BRAF: variants seen among roughly 807,000 people sequenced by gnomAD.
The protein encoded by BRAF is serine/threonine-protein kinase B-raf.
In BRAF, 16 loss-of-function variants were observed where a neutral mutation model predicts 104.6. That is an observed-to-expected ratio of 0.15 (90% CI 0.10 to 0.23). BRAF has a LOEUF of 0.23. BRAF is among the 10% of genes least tolerant of loss of function. The probability of loss-of-function intolerance (pLI) is 1.00; values close to 1 mark genes in which losing one functional copy is unlikely to be tolerated. For synonymous variants in BRAF, 310 were observed against 341.6 expected (o/e 0.91, Z 1.02); for missense variants, 541 against 937.3 (o/e 0.58, Z 5.52).
chr7:140,906,201 C>T (rs1429649069), intron 1 of BRAF, among the ~76,000 whole-genome samples: 1 of 151,930 alleles, frequency 6.6e-6, no homozygotes, highest in Non-Finnish European at 1.5e-5. Flanking sequence ...CCGGCCTTCG[C>T]CTGTCATATA....
At chr7:140,874,010 G>T (rs899257095) in intron 1 of BRAF, among the ~76,000 whole-genome samples, 1 of 152,124 alleles carries the variant, frequency 6.6e-6, no homozygotes, top group African/African-American at 2.4e-5. Flanking sequence ...AACAAATTGA[G>T]CAGAAATATT....
At chr7:140,729,257 C>T (rs866643283) in intron 19 of BRAF, among the ~76,000 whole-genome samples, 2 of 151,852 alleles carry the variant, frequency 1.3e-5, no homozygotes, top group Admixed American at 6.6e-5. Context: ...CACACACACA[C>T]GCACACAACT....
intron 7 of BRAF, among the ~76,000 whole-genome samples, chr7:140,795,191 C>G (rs1802380011): frequency 6.6e-6 from 1 of 152,130 alleles, no homozygotes; most frequent in African/African-American, 2.4e-5. Flanking sequence ...ATGTTACATA[C>G]CTATTTCGGT....
intron 2 of BRAF, among the ~76,000 whole-genome samples, chr7:140,845,976 G>A (rs1808501632): frequency 6.6e-6 from 1 of 152,186 alleles, no homozygotes; most frequent in Admixed American, 6.5e-5. Context: ...ACCGCGCTCA[G>A]CCTAGGCTAT....
chr7:140,909,998 A>G (rs890236249), intron 1 of BRAF, among the ~76,000 whole-genome samples: 3 of 152,144 alleles, frequency 2.0e-5, no homozygotes, highest in African/African-American at 4.8e-5. Context: ...ACTGTCCTGA[A>G]CATTGTGGGA....
chr7:140,809,032 G>T, intron 3 of BRAF, 37 bp from the exon 4 acceptor site: 1 of 1,522,156 alleles, frequency 6.6e-7, no homozygotes, highest in Non-Finnish European at 9.1e-7. Flanking sequence ...GAGGTAAAGG[G>T]AGCAAATTAC....
intron 11 of BRAF, among the ~76,000 whole-genome samples, chr7:140,782,111 C>T (rs1800937169): frequency 6.6e-6 from 1 of 152,036 alleles, no homozygotes; most frequent in Non-Finnish European, 1.5e-5. Flanking sequence ...GCCCTGTGTC[C>T]AAGTGTTCTC....
At chr7:140,881,368 T>C (rs955835077) in intron 1 of BRAF, among the ~76,000 whole-genome samples, 13 of 152,214 alleles carry the variant, frequency 8.5e-5, no homozygotes, top group Non-Finnish European at 1.8e-4. Context: ...TGATATTCTA[T>C]CCAGATCACT....
At chr7:140,869,846 A>T (rs568329461) in intron 1 of BRAF, among the ~76,000 whole-genome samples, 7 of 152,232 alleles carry the variant, frequency 4.6e-5, no homozygotes, top group Non-Finnish European at 1.0e-4. Context: ...GCACTAAAAC[A>T]AAATTCAAGT....
At chr7:140,785,907 T>C (rs1223805816) in intron 9 of BRAF, 2 of 396,308 alleles carry the variant, frequency 5.0e-6, no homozygotes, top group Admixed American at 4.4e-5. Context: ...AATTGAAGCC[T>C]GTTTCATAAA....
At chr7:140,787,515 G>A in intron 9 of BRAF, 33 bp downstream of exon 9, 1 of 1,594,282 alleles carries the variant, frequency 6.3e-7, no homozygotes, top group Non-Finnish European at 8.6e-7. Flanking sequence ...CAGTTTCCTT[G>A]AGTTTTTAAA....
At chr7:140,813,672 T>C (rs1804520031) in intron 3 of BRAF, among the ~76,000 whole-genome samples, 1 of 152,176 alleles carries the variant, frequency 6.6e-6, no homozygotes, top group Non-Finnish European at 1.5e-5. Flanking sequence ...AATGGAACTG[T>C]AGTTGTATAT....
intron 18 of BRAF, among the ~76,000 whole-genome samples, chr7:140,737,285 C>T (rs925662183): frequency 3.3e-5 from 5 of 152,136 alleles, no homozygotes; most frequent in African/African-American, 1.2e-4. Context: ...CTGCCTTCCA[C>T]CAAACCTTTA....
At position 140,723,488 on chromosome 7, in the gene BRAF, C is replaced by T; in HGVS notation, c.*3006G>A. ...CGGGAACCAGAATTTGACAGCTAGACAGAATCTTCTTTTAAGGTGCACATT... is the reference window on the plus strand; with the variant it reads ...CGGGAACCAGAATTTGACAGCTAGATAGAATCTTCTTTTAAGGTGCACATT... On this transcript the variant is annotated 3_prime_UTR_variant, in exon 20 of 20. Coordinates refer to ENST00000644969, the MANE Select transcript of BRAF (RefSeq NM_001374258.1). 1 of 1,053,590 alleles carries T rather than the reference C, an allele frequency of 9.5e-7. No individual in the cohort carries two copies. The highest frequency in any genetic ancestry group is 1.1e-6 in the Non-Finnish European group (1 of 872,182). The allele number at this position is 1,053,590 out of a possible 1,614,324, so 65.3% of individuals were successfully genotyped here.
At chr7:140,831,164 G>C (rs890849811) in intron 3 of BRAF, among the ~76,000 whole-genome samples, 7 of 152,162 alleles carry the variant, frequency 4.6e-5, no homozygotes, top group African/African-American at 1.7e-4. Context: ...ATTGGGTGGA[G>C]AACCCAGTTG....
rs1795417064 is a variant in BRAF at position 140,723,361 on chromosome 7, C to A, written c.*3133G>T. 2 of 1,055,374 alleles carry A rather than the reference C, an allele frequency of 1.9e-6. No homozygotes were observed. Among genetic ancestry groups the A allele is most frequent in the South Asian group, 4.6e-5 (1 of 21,890 alleles). 65.4% of individuals were successfully genotyped at this position (1,055,374 alleles called of 1,614,324 possible). On this transcript the variant is annotated 3_prime_UTR_variant, in exon 20 of 20. Transcript: ENST00000644969. Reference sequence around the variant, plus strand: ...TTATATACTGCTCTTTCTTCTCCAACACCAACATAAATATAGCATATATCA... The same window carrying A: ...TTATATACTGCTCTTTCTTCTCCAAAACCAACATAAATATAGCATATATCA...
rs559689315 is a variant in BRAF, at chr7:140,750,720, G to C, written c.1981-1302C>G. Among the ~76,000 whole-genome samples the C allele has an allele frequency of 5.3e-5, 8 of 152,278 alleles. 1 individual carries two copies. In the South Asian group the frequency reaches 1.7e-3, roughly 32 times the overall value. ...AGCAAGCCAGAATACTGAGAGGCTG[G>C]TATGGCAAAGGTATAATGTTCAAAG... On this transcript the variant is annotated intron_variant, in intron 16 of 19. Coordinates refer to ENST00000644969, the MANE Select transcript of BRAF (RefSeq NM_001374258.1).
chr7:140,823,874 T>C (rs1805734845), intron 3 of BRAF: 1 of 152,214 alleles, frequency 6.6e-6, no homozygotes, highest in East Asian at 1.9e-4. Flanking sequence ...TGAGGTGGTA[T>C]CTCCTTGTGG....
intron 5 of BRAF, among the ~76,000 whole-genome samples, chr7:140,806,512 C>G (rs1586232194): frequency 6.6e-6 from 1 of 152,146 alleles, no homozygotes; most frequent in South Asian, 2.1e-4. Flanking sequence ...TTTCACAATC[C>G]TTCTGTGGCA....
Sources: gnomAD v4.1 joint callset for allele counts (sites outside exome capture counted in the v4.1 genomes callset) on GRCh38, gnomAD v4.1.1 for gene constraint, MANE v1.5 for transcripts, NCBI Gene and HGNC (gene_info 2026-07-23, HGNC 2026-07-21) for gene names.